Variants in NEBL observed in about 807,000 individuals in gnomAD.
NEBL encodes nebulette, also known as LIM and SH3 protein 2.
A neutral mutation model predicts 140.2 loss-of-function variants in NEBL; 122 were observed. The observed-to-expected ratio is 0.87, with a 90% CI of 0.75 to 1.01. The LOEUF (loss-of-function observed/expected upper bound fraction) is 1.01. Ranked by LOEUF, NEBL falls within the 50% of genes least tolerant of loss-of-function variation. The pLI, the probability that NEBL is intolerant of heterozygous loss-of-function variation, is 0.00. For synonymous variants in NEBL, 436 were observed against 398.9 expected (o/e 1.09, Z -1.11); for missense variants, 1,365 against 1,231.3 (o/e 1.11, Z -1.62).
At chr10:20,950,382 A>G (rs941655624) in intron 4 of NEBL, among the ~76,000 whole-genome samples, 1 of 152,170 alleles carries the variant, frequency 6.6e-6, no homozygotes, top group Non-Finnish European at 1.5e-5. Context: ...GCCTCAACCT[A>G]TATTTCAGGA....
intron 2 of NEBL, among the ~76,000 whole-genome samples, chr10:21,166,219 CAAAAAAAA>C (rs1170225891): frequency 3.1e-4 from 11 of 35,398 alleles, no homozygotes; most frequent in African/African-American, 8.3e-4. Flanking sequence ...GACTGTGTCT[CAAAAAAAA>C]AAAAAAAAAA....
At chr10:20,961,479 A>C (rs1477493299) in intron 4 of NEBL, among the ~76,000 whole-genome samples, 1 of 152,164 alleles carries the variant, frequency 6.6e-6, no homozygotes, top group Non-Finnish European at 1.5e-5. Context: ...TAGGTAACTA[A>C]GCACCGGGTC....
chr10:20,881,523 C>A (rs1485056424), intron 4 of NEBL, among the ~76,000 whole-genome samples: 1 of 152,152 alleles, frequency 6.6e-6, no homozygotes, highest in East Asian at 1.9e-4. Flanking sequence ...TAGATGTAAC[C>A]AAACTCAACC....
rs578252294 is a variant in NEBL at position 20,812,842 on chromosome 10, C to A, written c.2445G>T (p.Val815=). The A allele has an allele frequency of 1.2e-6, 2 of 1,614,040 alleles. No individual in the cohort carries two copies. The highest frequency in any genetic ancestry group is 2.2e-5 in the South Asian group (2 of 91,080). The change falls in exon 24 of 28, where the codon GTG becomes GTT. Residue 815 remains valine, a synonymous_variant. Coordinates refer to ENST00000377122, the MANE Select transcript of NEBL (RefSeq NM_006393.3). The stretch of plus-strand genomic sequence containing the variant: ...CCCCTTTATAGGCAGCATCGCTGAC[C>A]ACCTGGGTGTTCTTCCTCACTCTCT... ...VTERVRKNTQ[V]VSDAAYKGVH...
intron 1 of NEBL, among the ~76,000 whole-genome samples, chr10:21,260,019 G>A (rs1040608553): frequency 1.3e-5 from 2 of 152,140 alleles, no homozygotes; most frequent in Non-Finnish European, 2.9e-5. Flanking sequence ...TCCAGTCCTT[G>A]GCAATATTAT....
chr10:20,958,599 G>T (rs1812086786), intron 4 of NEBL, among the ~76,000 whole-genome samples: 1 of 152,118 alleles, frequency 6.6e-6, no homozygotes, highest in South Asian at 2.1e-4. Context: ...TATTCAATGA[G>T]ATGAAGACAT....
At chr10:21,126,893 T>A (rs2132059063) in intron 2 of NEBL, among the ~76,000 whole-genome samples, 1 of 149,898 alleles carries the variant, frequency 6.7e-6, no homozygotes, top group East Asian at 2.0e-4. Flanking sequence ...GGGAATCGCT[T>A]GAACCCAGGG....
In NEBL at chr10:20,784,624, T is replaced by G. The variant is rs1835263674; in HGVS notation, c.*1123A>C. On this transcript the variant is annotated 3_prime_UTR_variant, in exon 28 of 28. Transcript: ENST00000377122. ...TCATCTCTGTATGGAATTGGTAACT[T>G]TGTTTGCTGAGTATTTTTCCAGTCA... is the stretch of plus-strand genomic sequence containing the variant. The G allele has an allele frequency of 3.3e-5, 5 of 152,224 alleles. No individual in the cohort carries two copies. Among genetic ancestry groups the G allele is most frequent in the Admixed American group, 3.3e-4 (5 of 15,288 alleles). 9.4% of individuals were successfully genotyped at this position (152,224 alleles called of 1,614,324 possible).
chr10:20,962,004 T>C (rs1589080690), intron 3 of NEBL, among the ~76,000 whole-genome samples: 1 of 152,198 alleles, frequency 6.6e-6, no homozygotes, highest in African/African-American at 2.4e-5. Context: ...AACCACTCTG[T>C]GCTCAGTGGT....
chr10:21,029,765 A>G (rs1589152508), intron 2 of NEBL: 5 of 777,102 alleles, frequency 6.4e-6, no homozygotes, highest in Non-Finnish European at 1.2e-5. Flanking sequence ...GGCTGGCGGT[A>G]GGGATCGCTA....
At chr10:21,277,486 A>T (rs1564554514) in intron 1 of NEBL, among the ~76,000 whole-genome samples, 1 of 152,186 alleles carries the variant, frequency 6.6e-6, no homozygotes, top group Non-Finnish European at 1.5e-5. Context: ...CTGGGATTAC[A>T]GGCATAAGCC....
chr10:20,922,531 A>G (rs1833643818), intron 4 of NEBL, among the ~76,000 whole-genome samples: 1 of 152,226 alleles, frequency 6.6e-6, no homozygotes, highest in African/African-American at 2.4e-5. Flanking sequence ...ATTCCTTCTC[A>G]TCAGCAGGAC....
At chr10:21,288,276 T>A (rs1182459656) in intron 1 of NEBL, among the ~76,000 whole-genome samples, 1 of 152,064 alleles carries the variant, frequency 6.6e-6, no homozygotes, top group Non-Finnish European at 1.5e-5. Context: ...GAGACCAGCC[T>A]GGCCAACATA....
At chr10:21,281,331 G>A (rs1264796399) in intron 1 of NEBL, among the ~76,000 whole-genome samples, 1 of 151,800 alleles carries the variant, frequency 6.6e-6, no homozygotes, top group East Asian at 1.9e-4. Flanking sequence ...GGTTTTTTGT[G>A]TGTGTGTTTT....
At chr10:21,030,629 C>T in intron 2 of NEBL, 1 of 552,128 alleles carries the variant, frequency 1.8e-6, no homozygotes, top group South Asian at 1.6e-5. Flanking sequence ...GAGAAAGGAC[C>T]AGCAAGGAAA....
chr10:21,227,510 C>A (rs1474572484), intron 3 of NEBL, among the ~76,000 whole-genome samples: 1 of 152,212 alleles, frequency 6.6e-6, no homozygotes, highest in African/African-American at 2.4e-5. Context: ...AAAGGAAACA[C>A]TTTTTCTTGA....
chr10:20,850,282 A>G, intron 11 of NEBL, 113 bp downstream of exon 11: 1 of 866,582 alleles, frequency 1.2e-6, no homozygotes, highest in Non-Finnish European at 1.9e-6. Context: ...CAGGTCCTTG[A>G]ATCTGCCCAC....
chr10:21,191,379 G>A (rs1377784304), intron 3 of NEBL, among the ~76,000 whole-genome samples: 1 of 152,198 alleles, frequency 6.6e-6, no homozygotes, highest in Non-Finnish European at 1.5e-5. Context: ...CACATAACTA[G>A]TAAGGCAAGA....
intron 26 of NEBL, chr10:20,804,229 G>A (rs1478245284): frequency 2.6e-5 from 4 of 152,160 alleles, no homozygotes; most frequent in Non-Finnish European, 1.5e-5. Context: ...AGATAGTCAG[G>A]AAAGGGGTGC....
Sources: gnomAD v4.1 joint callset for allele counts (sites outside exome capture counted in the v4.1 genomes callset) on GRCh38, gnomAD v4.1.1 for gene constraint, MANE v1.5 for transcripts, NCBI Gene and HGNC (gene_info 2026-07-23, HGNC 2026-07-21) for gene names.